The following SNX25 variants were observed in gnomAD, a reference collection of about 807,000 sequenced individuals.
SNX25 encodes the protein sorting nexin-25.
Under a neutral mutation model 113.7 loss-of-function variants are expected in SNX25, and 62 were observed. The ratio of observed to expected loss-of-function variants is 0.55; its 90% CI spans 0.44 to 0.67. SNX25 has a LOEUF of 0.67. Among genes scored for constraint, SNX25 ranks in the 30% least tolerant of loss-of-function variants. SNX25 has a pLI of 0.00. For missense variants in SNX25, 1,014 were observed against 1,161.0 expected (o/e 0.87, Z 1.84); for synonymous variants, 421 against 436.2 (o/e 0.97, Z 0.43).
In SNX25 at chr4:185,241,442, T is replaced by C. The variant is rs1215893136; in HGVS notation, c.430-5852T>C. The stretch of plus-strand genomic sequence containing the variant: ...AGATGGCAGCAGTACAGTCCAGCTT[T>C]GGCTCGGCATCGGGGAGACCGTGGA... On this transcript the variant is annotated intron_variant, in intron 1 of 18. Coordinates refer to ENST00000652585, the MANE Select transcript of SNX25 (RefSeq NM_001378034.2). Among the ~76,000 whole-genome samples, 18 of 125,806 alleles carry C rather than the reference T, an allele frequency of 1.4e-4. 1 individual carries two copies. Among genetic ancestry groups the C allele is most frequent in the Admixed American group, 3.4e-4 (4 of 11,670 alleles). The allele number at this position is 125,806 out of a possible 152,430, so 82.5% of individuals were successfully genotyped here.
intron 13 of SNX25, among the ~76,000 whole-genome samples, chr4:185,349,958 C>G (rs941055148): frequency 1.3e-5 from 2 of 152,232 alleles, no homozygotes; most frequent in Non-Finnish European, 2.9e-5. Flanking sequence ...GATCCATCCT[C>G]ACATACAGGT....
At chr4:185,207,676 A>G (rs1296762289), upstream of SNX25, 1 of 152,220 alleles carries the variant, frequency 6.6e-6, no homozygotes, top group Non-Finnish European at 1.5e-5. Flanking sequence ...ACATGGAGTA[A>G]CAACTAAATC....
chr4:185,354,936 T>C (rs2095332620), intron 15 of SNX25, among the ~76,000 whole-genome samples: 1 of 152,208 alleles, frequency 6.6e-6, no homozygotes. Context: ...GCCAGCCAAA[T>C]AGTGCAGCGT....
At chr4:185,262,903 C>G (rs892357584) in intron 3 of SNX25, among the ~76,000 whole-genome samples, 1 of 152,202 alleles carries the variant, frequency 6.6e-6, no homozygotes, top group African/African-American at 2.4e-5. Context: ...CAGCCCCACC[C>G]CTCGTGGTGC....
At chr4:185,253,917 C>T (rs1293021768) in intron 2 of SNX25, among the ~76,000 whole-genome samples, 4 of 152,224 alleles carry the variant, frequency 2.6e-5, no homozygotes, top group Non-Finnish European at 5.9e-5. Flanking sequence ...GAAGATACTG[C>T]AAGGTCATTG....
chr4:185,323,521 T>C lies in SNX25; in HGVS notation c.1477-7T>C. 1 of 1,605,124 alleles carries C rather than the reference T, an allele frequency of 6.2e-7. No individual in the cohort carries two copies. The highest frequency in any genetic ancestry group is 1.7e-5 in the Admixed American group (1 of 57,876). ...TCTTACTTTTCCTTATCTTCCTGTC[T>C]TTTCAGAATGAAATTCCACAATTAG... On this transcript the variant is annotated splice_region_variant and splice_polypyrimidine_tract_variant and intron_variant, in intron 8 of 18. Coordinates refer to ENST00000652585, the MANE Select transcript of SNX25 (RefSeq NM_001378034.2).
chr4:185,363,424 C>A lies in SNX25; in HGVS notation c.2974C>A (p.Leu992Met). Residue 992 changes from leucine (L) to methionine (M), a missense_variant, in exon 19 of 19, where the codon CTG becomes ATG. Coordinates refer to ENST00000652585, the MANE Select transcript of SNX25 (RefSeq NM_001378034.2). This position sits in a 1 kb window ranked among gnomAD's most constrained non-coding sequence, Gnocchi z 4.2. The part of the protein sequence containing the change: ...ELLLIELCPE[L>M]RVHLDQLKAG... ...GCTGCTAATTGAACTGTGTCCTGAG[C>A]TGAGAGTTCATTTAGATCAACTTAA... The A allele has an allele frequency of 6.2e-7, 1 of 1,614,104 alleles. No individual in the cohort carries two copies. The highest frequency in any genetic ancestry group is 8.5e-7 in the Non-Finnish European group (1 of 1,180,012).
intron 12 of SNX25, among the ~76,000 whole-genome samples, chr4:185,346,090 C>T (rs1017950900): frequency 7.9e-5 from 12 of 152,206 alleles, no homozygotes; most frequent in Non-Finnish European, 1.6e-4. Context: ...AACTCCTGAC[C>T]TCATGTGATC....
At chr4:185,208,539 C>G (rs1248272992), upstream of SNX25, among the ~76,000 whole-genome samples, 1 of 151,828 alleles carries the variant, frequency 6.6e-6, no homozygotes, top group East Asian at 2.0e-4. Context: ...ACCATCCTGG[C>G]TAATATGGTG....
chr4:185,204,308 G>C (rs1407348633), exon 1 of SNX25: 1 of 152,218 alleles, frequency 6.6e-6, no homozygotes. Context: ...AAGCTGCCTT[G>C]ATTATCTTGT....
intron 1 of SNX25, among the ~76,000 whole-genome samples, chr4:185,214,870 T>C (rs886270609): frequency 6.6e-6 from 1 of 152,188 alleles, no homozygotes; most frequent in African/African-American, 2.4e-5. Flanking sequence ...CTGATATTTT[T>C]AGGTCTGAAA....
At chr4:185,376,998 C>T in the SNX25 span, 13 of 1,612,794 alleles carry the variant, frequency 8.1e-6, no homozygotes, top group Non-Finnish European at 1.0e-5. Context: ...GCCTTATCCA[C>T]CAAATTAGCA....
chr4:185,368,757 A>G (rs1373652521), downstream of SNX25, among the ~76,000 whole-genome samples: 1 of 149,986 alleles, frequency 6.7e-6, no homozygotes, highest in African/African-American at 2.5e-5. Context: ...ATTTTCTCCC[A>G]TCGTATGGAA....
In SNX25 at chr4:185,282,620, A is replaced by G. The variant is rs557788698; in HGVS notation, c.1092-5392A>G. On this transcript the variant is annotated intron_variant, in intron 5 of 18. Coordinates refer to ENST00000652585, the MANE Select transcript of SNX25 (RefSeq NM_001378034.2). ...AAAGAGAGATGAGGTGGCCACTCTGAGGAGCAGATGGCAGTTATCTTTGTG... is the reference window on the plus strand; with the variant it reads ...AAAGAGAGATGAGGTGGCCACTCTGGGGAGCAGATGGCAGTTATCTTTGTG... Among the ~76,000 whole-genome samples the G allele has an allele frequency of 6.6e-5, 10 of 152,350 alleles. 1 individual carries two copies. The highest frequency in any genetic ancestry group is 2.2e-4 in the African/African-American group (9 of 41,590).
At chr4:185,206,122 A>G (rs1332450165), upstream of SNX25, among the ~76,000 whole-genome samples, 1 of 152,232 alleles carries the variant, frequency 6.6e-6, no homozygotes, top group African/African-American at 2.4e-5. Flanking sequence ...AAACTTGAAC[A>G]TAGAATTATA....
At chr4:185,268,779 G>A (rs1318720462) in intron 5 of SNX25, among the ~76,000 whole-genome samples, 4 of 152,146 alleles carry the variant, frequency 2.6e-5, no homozygotes, top group African/African-American at 9.7e-5. Flanking sequence ...TATACATGGT[G>A]TCATGTGTTA....
Position 185,332,533 on chromosome 4 carries a change from C to T in SNX25, c.1750-62C>T, listed in dbSNP as rs945725115. 15 of 1,461,350 alleles carry T rather than the reference C, an allele frequency of 1.0e-5. No homozygotes were observed. In the South Asian group the frequency reaches 1.2e-4, roughly 12 times the overall value. 90.5% of individuals were successfully genotyped at this position (1,461,350 alleles called of 1,614,324 possible). On this transcript the variant is annotated intron_variant, in intron 9 of 18. Coordinates refer to ENST00000652585, the MANE Select transcript of SNX25 (RefSeq NM_001378034.2). ...GTATTTTGCAACAGGGTATCGTGAC[C>T]GATAATAATTACTGAATTTTCTATC...
intron 1 of SNX25, among the ~76,000 whole-genome samples, chr4:185,212,032 G>A (rs571347586): frequency 6.6e-6 from 1 of 152,308 alleles, no homozygotes; most frequent in African/African-American, 2.4e-5. Context: ...AATCTCTCAT[G>A]AATACTACCC....
chr4:185,215,057 C>T (rs903533326), intron 1 of SNX25, among the ~76,000 whole-genome samples: 8 of 152,142 alleles, frequency 5.3e-5, no homozygotes, highest in South Asian at 2.1e-4. Flanking sequence ...AGTGAAACCC[C>T]GTCTCTACTG....
Sources: allele counts gnomAD v4.1 joint callset (sites outside exome capture counted in the v4.1 genomes callset), GRCh38; gene constraint gnomAD v4.1.1; non-coding constraint Gnocchi (gnomAD v3.1); transcripts MANE v1.5; gene names NCBI Gene and HGNC (gene_info 2026-07-23, HGNC 2026-07-21).